ANK2: variants seen among roughly 807,000 people sequenced by gnomAD.
The protein encoded by ANK2 is ankyrin 2, also known as ankyrin-2.
ANK2 carries 83 observed loss-of-function variants against 360.5 expected under a neutral mutation model. The ratio of observed to expected loss-of-function variants is 0.23; its 90% CI spans 0.19 to 0.28. The LOEUF is 0.28. Ranked by LOEUF, ANK2 falls within the 10% of genes least tolerant of loss-of-function variation. ANK2 has a pLI of 1.00. For missense variants in ANK2, 4,201 were observed against 4,795.7 expected, an observed-to-expected ratio of 0.88 and a Z score of 3.66; for synonymous variants, 1,740 against 1,759.5, an observed-to-expected ratio of 0.99 and a Z score of 0.28.
At chr4:113,120,034 A>G (rs1179037581) in intron 1 of ANK2, among the ~76,000 whole-genome samples, 2 of 152,152 alleles carry the variant, frequency 1.3e-5, no homozygotes, top group African/African-American at 4.8e-5. Flanking sequence ...ATATATACTA[A>G]GAGATCTACT....
the ANK2 span, among the ~76,000 whole-genome samples, chr4:112,790,054 T>C: frequency 2.0e-5 from 3 of 152,188 alleles, no homozygotes; most frequent in Non-Finnish European, 4.4e-5. Flanking sequence ...TTATCCAAGA[T>C]GGTGATAGCA....
chr4:113,347,865 T>C (rs1319913541), intron 35 of ANK2: 2 of 188,986 alleles, frequency 1.1e-5, no homozygotes, highest in African/African-American at 4.7e-5. Context: ...CTTCTAAATA[T>C]TGCCTGTGTA....
At chr4:113,232,622 G>C (rs779418173) in intron 5 of ANK2, among the ~76,000 whole-genome samples, 102 of 151,858 alleles carry the variant, frequency 6.7e-4, no homozygotes, top group Non-Finnish European at 1.2e-3. Context: ...TTCCTTAAAG[G>C]AACAATTTTT....
intron 1 of ANK2, among the ~76,000 whole-genome samples, chr4:113,129,722 T>C (rs759786442): frequency 6.6e-6 from 1 of 152,216 alleles, no homozygotes; most frequent in Non-Finnish European, 1.5e-5. Flanking sequence ...GTCTGCATGA[T>C]ACTGAACATT....
At chr4:112,988,657 T>C (rs1330383841) in intron 2 of ANK2, among the ~76,000 whole-genome samples, 1 of 152,234 alleles carries the variant, frequency 6.6e-6, no homozygotes, top group Non-Finnish European at 1.5e-5. Flanking sequence ...CACTTCTTTC[T>C]GTTAAATAGT....
chr4:112,788,002 G>T, the ANK2 span: 1 of 719,678 alleles, frequency 1.4e-6, no homozygotes, highest in Non-Finnish European at 2.4e-6. Flanking sequence ...CACATATTAT[G>T]TATTACCCAA....
intron 2 of ANK2, among the ~76,000 whole-genome samples, chr4:113,029,453 C>T (rs1341817191): frequency 6.6e-6 from 1 of 151,976 alleles, no homozygotes; most frequent in African/African-American, 2.4e-5. Flanking sequence ...CTGTGTTGCC[C>T]ATGCTGGTCT....
chr4:113,251,826 C>A lies in ANK2; in HGVS notation c.990+1964C>A, dbSNP rs1013897641. On this transcript the variant is annotated intron_variant, in intron 10 of 45. Transcript: ENST00000357077. ...TGCAAGAAGCTCAGAAATTAGTGGG[C>A]ATGATAGAAAAAAAAAGATAATTAT... Among the ~76,000 whole-genome samples, 6 of 150,276 alleles carry A rather than the reference C, an allele frequency of 4.0e-5. No homozygotes were observed. In the East Asian group the frequency reaches 9.8e-4, roughly 24 times the overall value.
intron 1 of ANK2, among the ~76,000 whole-genome samples, chr4:113,075,990 T>G (rs186161291): frequency 5.7e-4 from 87 of 152,254 alleles, no homozygotes; most frequent in African/African-American, 2.0e-3. Flanking sequence ...GATTCAGTAA[T>G]TTGGGGGTAA....
At chr4:113,378,348 A>G (rs2097034931) in intron 45 of ANK2, among the ~76,000 whole-genome samples, 1 of 152,206 alleles carries the variant, frequency 6.6e-6, no homozygotes, top group Non-Finnish European at 1.5e-5. Context: ...TTGAAGTATC[A>G]TCCCTGAAGT....
Position 112,883,948 on chromosome 4 carries a change from A to G in ANK2, c.-39-20507A>G, listed in dbSNP as rs553293949. On this transcript the variant is annotated intron_variant, in intron 1 of 30. Transcript: ENST00000503271. ...TTTTTCACCTGGGCCTGATTGCTCT[A>G]GATAAGGAATGTGAGCTTATACTAT... 2.7e-5 allele frequency among the ~76,000 whole-genome samples: 4 copies of G among 150,618 alleles called. No homozygotes were observed. In the East Asian group the frequency reaches 7.8e-4, roughly 29 times the overall value.
intron 2 of ANK2, among the ~76,000 whole-genome samples, chr4:113,175,465 C>T (rs1203847568): frequency 6.6e-6 from 1 of 152,090 alleles, no homozygotes; most frequent in Admixed American, 6.6e-5. Context: ...AACTGTTTCC[C>T]GTTCCTCATC....
intron 42 of ANK2, among the ~76,000 whole-genome samples, chr4:113,369,169 G>A (rs2154064621): frequency 6.6e-6 from 1 of 152,198 alleles, no homozygotes; most frequent in East Asian, 1.9e-4. Context: ...AAATACTTAT[G>A]TAAAATTCCT....
At chr4:112,754,933 T>A in the ANK2 span, among the ~76,000 whole-genome samples, 5 of 152,320 alleles carry the variant, frequency 3.3e-5, no homozygotes, top group Admixed American at 2.6e-4. Flanking sequence ...AAGATTTTTT[T>A]ACTTTTTTTA....
intron 18 of ANK2, among the ~76,000 whole-genome samples, chr4:113,283,476 C>A (rs988039575): frequency 2.0e-5 from 3 of 152,060 alleles, no homozygotes; most frequent in Admixed American, 6.6e-5. Flanking sequence ...TAATAAAGCA[C>A]ATCAGTCATT....
intron 1 of ANK2, among the ~76,000 whole-genome samples, chr4:113,112,491 C>G (rs1192350908): frequency 6.6e-6 from 1 of 152,182 alleles, no homozygotes; most frequent in Non-Finnish European, 1.5e-5. Flanking sequence ...GTTCCCTTCT[C>G]TGTACCTTTC....
chr4:112,961,456 G>C (rs2034790008), intron 2 of ANK2, among the ~76,000 whole-genome samples: 1 of 151,914 alleles, frequency 6.6e-6, no homozygotes, highest in African/African-American at 2.4e-5. Flanking sequence ...TCTGAATATA[G>C]GACAGAATAT....
chr4:112,789,018 C>A, the ANK2 span: 1 of 517,344 alleles, frequency 1.9e-6, no homozygotes, highest in Non-Finnish European at 3.4e-6. Context: ...GGCATGGATT[C>A]TATGTAATAG....
intron 1 of ANK2, among the ~76,000 whole-genome samples, chr4:112,882,701 A>ATT (rs58342870): frequency 6.7e-6 from 1 of 149,050 alleles, no homozygotes. Flanking sequence ...TAATAATAGA[A>ATT]TTTTTTTTTT....
Sources: gnomAD v4.1 joint callset for allele counts (sites outside exome capture counted in the v4.1 genomes callset) on GRCh38, gnomAD v4.1.1 for gene constraint, MANE v1.5 for transcripts, NCBI Gene and HGNC (gene_info 2026-07-23, HGNC 2026-07-21) for gene names.